Variants in CCSER1 observed in about 807,000 individuals in gnomAD.
CCSER1 encodes the protein serine-rich coiled-coil domain-containing protein 1.
A neutral mutation model predicts 82.0 loss-of-function variants in CCSER1; 41 were observed. That is an observed-to-expected ratio of 0.50 (90% CI 0.39 to 0.65). CCSER1 has a LOEUF of 0.65. Ranked by LOEUF, CCSER1 falls within the 30% of genes least tolerant of loss-of-function variation. The pLI is 0.00. For missense variants in CCSER1, 1,119 were observed against 1,064.2 expected (o/e 1.05, Z -0.72); for synonymous variants, 414 against 383.9 (o/e 1.08, Z -0.92).
At chr4:90,133,980 T>C (rs1723235440) in intron 1 of CCSER1, among the ~76,000 whole-genome samples, 1 of 152,046 alleles carries the variant, frequency 6.6e-6, no homozygotes, top group South Asian at 2.1e-4. Context: ...ATAAGGGGAG[T>C]CTTAGAATTT....
chr4:91,403,210 G>A (rs530950355), intron 10 of CCSER1, among the ~76,000 whole-genome samples: 1 of 152,290 alleles, frequency 6.6e-6, no homozygotes, highest in African/African-American at 2.4e-5. Flanking sequence ...TGTTATTGGT[G>A]TATAGGAATG....
At chr4:90,653,790 T>C (rs186278231) in intron 6 of CCSER1, among the ~76,000 whole-genome samples, 2 of 152,226 alleles carry the variant, frequency 1.3e-5, no homozygotes, top group Admixed American at 6.5e-5. Context: ...TCTTGAAAGG[T>C]TGTAGGATCA....
chr4:90,790,199 C>G (rs566831506), intron 7 of CCSER1, among the ~76,000 whole-genome samples: 1 of 152,158 alleles, frequency 6.6e-6, no homozygotes, highest in Admixed American at 6.5e-5. Flanking sequence ...CCTATGCAGC[C>G]TTTTCTTTAT....
intron 1 of CCSER1, among the ~76,000 whole-genome samples, chr4:90,211,841 A>T (rs1426704277): frequency 6.6e-6 from 1 of 152,208 alleles, no homozygotes; most frequent in East Asian, 1.9e-4. Context: ...CCTCTCAAAG[A>T]TTCTTGAGCA....
chr4:90,266,792 A>C (rs1173443306), intron 1 of CCSER1, among the ~76,000 whole-genome samples: 1 of 152,052 alleles, frequency 6.6e-6, no homozygotes, highest in African/African-American at 2.4e-5. Context: ...AGTTTCGACA[A>C]GCCTCATCAC....
chr4:90,261,733 A>G (rs987383039), intron 1 of CCSER1, among the ~76,000 whole-genome samples: 5 of 152,120 alleles, frequency 3.3e-5, no homozygotes, highest in East Asian at 1.9e-4. Flanking sequence ...AGGAACACCA[A>G]TTATTCTTAG....
chr4:91,541,982 T>C (rs1253847262), intron 10 of CCSER1, among the ~76,000 whole-genome samples: 1 of 152,240 alleles, frequency 6.6e-6, no homozygotes, highest in African/African-American at 2.4e-5. Flanking sequence ...TGGCCAGCGA[T>C]GATGAGCATT....
In CCSER1 at chr4:91,321,986, C is replaced by G. The variant is rs368214791; in HGVS notation, c.2217+235992C>G. 4.6e-4 allele frequency among the ~76,000 whole-genome samples: 70 copies of G among 152,064 alleles called. 1 individual carries two copies. In the East Asian group the frequency reaches 7.2e-3, roughly 16 times the overall value. On this transcript the variant is annotated intron_variant, in intron 10 of 10. Coordinates refer to ENST00000509176, the MANE Select transcript of CCSER1 (RefSeq NM_001145065.2). ...AAGGATAGGAAATGTTGATTTTTAC[C>G]AACTGTTTTATCCTTAACATTTTAG...
chr4:91,098,793 G>A (rs775555238), intron 10 of CCSER1, among the ~76,000 whole-genome samples: 60 of 152,072 alleles, frequency 3.9e-4, no homozygotes, highest in Non-Finnish European at 6.0e-4. Flanking sequence ...TGCCCGCCTC[G>A]GCCTCCCAAA....
intron 5 of CCSER1, among the ~76,000 whole-genome samples, chr4:90,571,871 A>G (rs1780156715): frequency 6.6e-6 from 1 of 152,036 alleles, no homozygotes; most frequent in Admixed American, 6.6e-5. Context: ...ATTATTTTTA[A>G]TGGTTTTGTG....
chr4:90,341,388 GCCTAA>G (rs1197544268), intron 3 of CCSER1, among the ~76,000 whole-genome samples: 1 of 152,030 alleles, frequency 6.6e-6, no homozygotes, highest in African/African-American at 2.4e-5. Context: ...AGATTATGAT[GCCTAA>G]CCATTATTAA....
rs1271269815 is a variant in CCSER1, at chr4:90,276,094, T to C, written c.-41-32150T>C. Among the ~76,000 whole-genome samples the C allele has an allele frequency of 5.3e-5, 8 of 152,088 alleles. No homozygotes were observed. The South Asian group carries it at 1.7e-3, about 32-fold the overall frequency. On this transcript the variant is annotated intron_variant, in intron 1 of 10. Transcript: ENST00000509176. ...GCCTTCTAGCCCACAACCTGACATA[T>C]CTTGATATTTGATGAGTCTCAATGA...
At position 90,692,756 on chromosome 4, in the gene CCSER1, A is replaced by G. The variant is rs190053110; in HGVS notation, c.1933-31158A>G. Among the ~76,000 whole-genome samples, 220 of 152,084 alleles carry G rather than the reference A, an allele frequency of 1.4e-3. 1 individual carries two copies. The highest frequency in any genetic ancestry group is 4.6e-3 in the Admixed American group (70 of 15,226). ...ATGTCTAGACTTTAATACGTCAACCATAAATTACAATATTATTTTATTTTA... is the reference window on the plus strand; with the variant it reads ...ATGTCTAGACTTTAATACGTCAACCGTAAATTACAATATTATTTTATTTTA... On this transcript the variant is annotated intron_variant, in intron 6 of 10. Coordinates refer to ENST00000509176, the MANE Select transcript of CCSER1 (RefSeq NM_001145065.2).
intron 1 of CCSER1, among the ~76,000 whole-genome samples, chr4:90,293,033 A>G (rs992775595): frequency 6.6e-6 from 1 of 151,872 alleles, no homozygotes; most frequent in Non-Finnish European, 1.5e-5. Flanking sequence ...CGTATCTGTT[A>G]CTATTAGCTG....
chr4:91,352,721 A>T (rs1748561613), intron 10 of CCSER1, among the ~76,000 whole-genome samples: 1 of 152,214 alleles, frequency 6.6e-6, no homozygotes, highest in African/African-American at 2.4e-5. Context: ...TATAAGGAAT[A>T]TAATGTGGAA....
intron 3 of CCSER1, among the ~76,000 whole-genome samples, chr4:90,358,126 T>C (rs1395525431): frequency 6.6e-6 from 1 of 152,088 alleles, no homozygotes; most frequent in Non-Finnish European, 1.5e-5. Context: ...TATAAAATGA[T>C]ATTTTGACAA....
chr4:90,361,415 C>T (rs559658060), intron 3 of CCSER1, among the ~76,000 whole-genome samples: 210 of 152,298 alleles, frequency 1.4e-3, no homozygotes, highest in Non-Finnish European at 2.3e-3. Context: ...TCCTTTTTGA[C>T]TATTTCTCTG....
intron 10 of CCSER1, among the ~76,000 whole-genome samples, chr4:91,427,383 C>T (rs1384792135): frequency 6.6e-6 from 1 of 152,100 alleles, no homozygotes; most frequent in African/African-American, 2.4e-5. Flanking sequence ...AAAAGCTTAC[C>T]TTTCAGTGGG....
intron 9 of CCSER1, among the ~76,000 whole-genome samples, chr4:91,044,226 G>C (rs2150584590): frequency 6.6e-6 from 1 of 152,230 alleles, no homozygotes; most frequent in Middle Eastern, 3.4e-3. Flanking sequence ...CTGGAAAGGA[G>C]GACTCCGGGA....
Sources: allele counts gnomAD v4.1 joint callset (sites outside exome capture counted in the v4.1 genomes callset), GRCh38; gene constraint gnomAD v4.1.1; transcripts MANE v1.5; gene names NCBI Gene and HGNC (gene_info 2026-07-23, HGNC 2026-07-21).